Variants in PRKG1 observed in about 807,000 individuals in gnomAD.
The protein encoded by PRKG1 is protein kinase cGMP-dependent 1.
In PRKG1, 35 loss-of-function variants were observed where a neutral mutation model predicts 88.1. The observed-to-expected ratio is 0.40, with a 90% CI of 0.30 to 0.53. PRKG1 has a LOEUF of 0.53. Among genes scored for constraint, PRKG1 ranks in the 20% least tolerant of loss-of-function variants. The probability of loss-of-function intolerance (pLI) is 0.59; values close to 1 mark genes in which losing one functional copy is unlikely to be tolerated. For synonymous variants in PRKG1, 303 were observed against 292.5 expected (o/e 1.04, Z -0.37); for missense variants, 540 against 839.8 (o/e 0.64, Z 4.41).
intron 3 of PRKG1, among the ~76,000 whole-genome samples, chr10:51,576,334 T>C (rs1367076140): frequency 6.6e-6 from 1 of 151,940 alleles, no homozygotes; most frequent in African/African-American, 2.4e-5. Context: ...ATATCTTACT[T>C]TCCATGTTGT....
intron 4 of PRKG1, among the ~76,000 whole-genome samples, chr10:51,876,186 T>C (rs1841295254): frequency 6.6e-6 from 1 of 151,992 alleles, no homozygotes; most frequent in Admixed American, 6.6e-5. Context: ...CCCACATCCA[T>C]GAACACATTT....
At position 51,749,724 on chromosome 10, in the gene PRKG1, A is replaced by G. The variant is rs111400846; in HGVS notation, c.593-54861A>G. Among the ~76,000 whole-genome samples, 635 of 152,202 alleles carry G rather than the reference A, an allele frequency of 4.2e-3. 7 individuals are homozygous for G. Among genetic ancestry groups the G allele is most frequent in the Middle Eastern group, 0.017 (5 of 294 alleles). On this transcript the variant is annotated intron_variant, in intron 3 of 17. Transcript: ENST00000373980. ...CAATAACATCAGTTTTGACTTCTCA[A>G]TACATTTTTCCCAACATCTTTTGCT...
intron 5 of PRKG1, among the ~76,000 whole-genome samples, chr10:51,993,367 A>G (rs1055052855): frequency 6.6e-6 from 1 of 152,186 alleles, no homozygotes; most frequent in African/African-American, 2.4e-5. Context: ...CAGAATAACA[A>G]AAGGGACAGA....
chr10:51,210,358 A>C (rs1456909333), intron 2 of PRKG1, among the ~76,000 whole-genome samples: 1 of 152,208 alleles, frequency 6.6e-6, no homozygotes, highest in East Asian at 1.9e-4. Context: ...CCACAAGAGA[A>C]AGCAGGAAAG....
At chr10:51,397,303 C>T (rs775524066) in intron 2 of PRKG1, among the ~76,000 whole-genome samples, 19 of 152,042 alleles carry the variant, frequency 1.2e-4, no homozygotes, top group Non-Finnish European at 2.1e-4. Flanking sequence ...TCATGATTAA[C>T]CTTCTATGTA....
chr10:52,214,790 C>T (rs1040647361), intron 9 of PRKG1, among the ~76,000 whole-genome samples: 1 of 152,052 alleles, frequency 6.6e-6, no homozygotes, highest in African/African-American at 2.4e-5. Flanking sequence ...GCCCAGCTAA[C>T]ATGACTATGT....
At chr10:51,761,040 G>GA (rs1838009084) in intron 3 of PRKG1, among the ~76,000 whole-genome samples, 2 of 152,164 alleles carry the variant, frequency 1.3e-5, no homozygotes, top group African/African-American at 4.8e-5. Context: ...TTGAACCCCA[G>GA]AGGCAGAGGT....
chr10:51,650,294 T>C (rs1478184813), intron 3 of PRKG1, among the ~76,000 whole-genome samples: 4 of 152,200 alleles, frequency 2.6e-5, no homozygotes, highest in South Asian at 2.1e-4. Flanking sequence ...TTTTGTTGAA[T>C]TGGAATCTTG....
At chr10:51,958,834 A>G (rs1198664370) in intron 5 of PRKG1, among the ~76,000 whole-genome samples, 6 of 152,142 alleles carry the variant, frequency 3.9e-5, no homozygotes, top group Admixed American at 3.3e-4. Flanking sequence ...TTTAATCAGG[A>G]CATAAAGTCA....
intron 3 of PRKG1, among the ~76,000 whole-genome samples, chr10:51,598,625 T>C (rs1838519123): frequency 1.3e-5 from 2 of 152,202 alleles, no homozygotes; most frequent in South Asian, 4.1e-4. Flanking sequence ...TGTTCTTATT[T>C]TGTTTTAACT....
intron 4 of PRKG1, among the ~76,000 whole-genome samples, chr10:51,860,632 C>T (rs1284755040): frequency 6.6e-6 from 1 of 152,152 alleles, no homozygotes; most frequent in Non-Finnish European, 1.5e-5. Flanking sequence ...TCACATCGTG[C>T]TCTAAGGTCC....
At chr10:52,062,330 G>A (rs192669168) in intron 6 of PRKG1, among the ~76,000 whole-genome samples, 1 of 152,200 alleles carries the variant, frequency 6.6e-6, no homozygotes, top group Admixed American at 6.5e-5. Flanking sequence ...TAACTTGAAA[G>A]GATAACAAAA....
At chr10:51,486,236 T>G (rs1030252703) in intron 3 of PRKG1, among the ~76,000 whole-genome samples, 1 of 152,038 alleles carries the variant, frequency 6.6e-6, no homozygotes, top group African/African-American at 2.4e-5. Context: ...CACTGATACC[T>G]CTCCATCCCC....
intron 4 of PRKG1, among the ~76,000 whole-genome samples, chr10:51,891,659 C>T (rs765456109): frequency 1.1e-4 from 17 of 152,118 alleles, no homozygotes; most frequent in South Asian, 4.1e-4. Context: ...AAAACTTTCC[C>T]GTAAAAGACC....
At chr10:51,084,606 C>T (rs1844202178) in intron 1 of PRKG1, among the ~76,000 whole-genome samples, 1 of 152,046 alleles carries the variant, frequency 6.6e-6, no homozygotes, top group Non-Finnish European at 1.5e-5. Context: ...TTTACTTATG[C>T]TTTGGCTGGG....
chr10:51,568,040 A>G lies in PRKG1; in HGVS notation c.592+100204A>G, dbSNP rs145104538. Reference sequence around the variant, plus strand: ...TTCCCTGTTCATGGAAAAAATGTCAATGGCTGCTAATCTGGAAAGAGAATG... The same window carrying G: ...TTCCCTGTTCATGGAAAAAATGTCAGTGGCTGCTAATCTGGAAAGAGAATG... On this transcript the variant is annotated intron_variant, in intron 3 of 17. Transcript: ENST00000373980. Among the ~76,000 whole-genome samples, 111 of 152,206 alleles carry G rather than the reference A, an allele frequency of 7.3e-4. 2 individuals carry two copies. The East Asian group carries it at 0.018, about 25-fold the overall frequency.
intron 1 of PRKG1, among the ~76,000 whole-genome samples, chr10:51,005,767 G>A (rs1235589412): frequency 6.6e-6 from 1 of 152,208 alleles, no homozygotes; most frequent in African/African-American, 2.4e-5. Flanking sequence ...GGAATTGCTG[G>A]AAGAGCTGCT....
intron 9 of PRKG1, among the ~76,000 whole-genome samples, chr10:52,229,266 G>A (rs1056628001): frequency 6.6e-6 from 1 of 152,114 alleles, no homozygotes; most frequent in Non-Finnish European, 1.5e-5. Context: ...TTTGCCAAAG[G>A]CAAGAAAGTA....
At chr10:52,203,733 T>A (rs1839736924) in intron 9 of PRKG1, among the ~76,000 whole-genome samples, 1 of 152,230 alleles carries the variant, frequency 6.6e-6, no homozygotes, top group South Asian at 2.1e-4. Flanking sequence ...AGTTAAGTCT[T>A]CTTATTGAAT....
Sources: gnomAD v4.1 joint callset for allele counts (sites outside exome capture counted in the v4.1 genomes callset) on GRCh38, gnomAD v4.1.1 for gene constraint, MANE v1.5 for transcripts, NCBI Gene and HGNC (gene_info 2026-07-23, HGNC 2026-07-21) for gene names.